Variants in MTHFD2L observed in about 807,000 individuals in gnomAD.
MTHFD2L encodes the protein methylenetetrahydrofolate dehydrogenase (NADP+ dependent) 2 like.
Under a neutral mutation model 34.9 loss-of-function variants are expected in MTHFD2L, and 29 were observed. That is an observed-to-expected ratio of 0.83 (90% CI 0.62 to 1.13). The LOEUF (loss-of-function observed/expected upper bound fraction) is 1.13, where lower values mean the gene tolerates loss of function less well. Among genes scored for constraint, MTHFD2L ranks in the 50% most tolerant of loss-of-function variants. The probability of loss-of-function intolerance (pLI) is 0.00; values close to 1 mark genes in which losing one functional copy is unlikely to be tolerated. For synonymous variants in MTHFD2L, 167 were observed against 155.7 expected, an observed-to-expected ratio of 1.07 and a Z score of -0.54; for missense variants, 481 against 446.5, an observed-to-expected ratio of 1.08 and a Z score of -0.70.
intron 7 of MTHFD2L, among the ~76,000 whole-genome samples, chr4:74,291,003 C>CCTTTTTTTTTTTTTTTTTTTTTTTT (rs1748846516): frequency 3.4e-5 from 1 of 29,272 alleles, no homozygotes; most frequent in Non-Finnish European, 6.5e-5. Flanking sequence ...TTTTCCTTTT[C>CCTTTTTTTTTTTTTTTTTTTTTTTT]TTTTTTTTTT....
chr4:74,281,783 C>T (rs1323367194), intron 7 of MTHFD2L, among the ~76,000 whole-genome samples: 1 of 151,912 alleles, frequency 6.6e-6, no homozygotes, highest in Non-Finnish European at 1.5e-5. Flanking sequence ...CTAATTGTAT[C>T]ATTAATATTT....
chr4:74,296,638 T>C (rs1219452045), intron 7 of MTHFD2L, among the ~76,000 whole-genome samples: 1 of 152,062 alleles, frequency 6.6e-6, no homozygotes, highest in African/African-American at 2.4e-5. Flanking sequence ...TTAAATTTTC[T>C]CCATTCCGTT....
At chr4:74,192,915 G>T (rs938129359) in intron 3 of MTHFD2L, among the ~76,000 whole-genome samples, 3 of 151,602 alleles carry the variant, frequency 2.0e-5, no homozygotes, top group Non-Finnish European at 4.4e-5. Context: ...TTTTCTTAAT[G>T]GTGCCTTTTG....
chr4:74,133,979 C>T (rs1439230603), intron 1 of MTHFD2L, among the ~76,000 whole-genome samples: 1 of 152,118 alleles, frequency 6.6e-6, no homozygotes, highest in Non-Finnish European at 1.5e-5. Flanking sequence ...GGTAGGAGAA[C>T]CAGATTCTAC....
upstream of MTHFD2L, among the ~76,000 whole-genome samples, chr4:74,119,984 GAAAA>G (rs148290797): frequency 2.7e-4 from 39 of 146,672 alleles, no homozygotes; most frequent in Middle Eastern, 7.0e-3. Flanking sequence ...TTTTTCAAAA[GAAAA>G]AAAAAAGATG....
In MTHFD2L at chr4:74,292,573, A is replaced by G. The variant is rs1310296470; in HGVS notation, c.932-9124A>G. On this transcript the variant is annotated intron_variant, in intron 7 of 7. Coordinates refer to ENST00000325278, the MANE Select transcript of MTHFD2L (RefSeq NM_001144978.3). The stretch of plus-strand genomic sequence containing the variant: ...TATTCAGTGACTTCAGGCAAAAGGG[A>G]TTGGGTGGGGGAGGGAAAGGATTGG... Among the ~76,000 whole-genome samples, 4 of 150,926 alleles carry G rather than the reference A, an allele frequency of 2.7e-5. No individual in the cohort carries two copies. The East Asian group carries it at 7.9e-4, about 30-fold the overall frequency.
intron 1 of MTHFD2L, chr4:74,160,804 G>A (rs949279663): frequency 6.6e-6 from 1 of 152,220 alleles, no homozygotes; most frequent in African/African-American, 2.4e-5. Context: ...TCAGTGTGAG[G>A]AGTCTGATAG....
At chr4:74,151,054 T>C (rs957657767) in intron 1 of MTHFD2L, among the ~76,000 whole-genome samples, 1 of 151,938 alleles carries the variant, frequency 6.6e-6, no homozygotes, top group Non-Finnish European at 1.5e-5. Flanking sequence ...ACAGAGGAAT[T>C]AGAAAAAAGA....
intron 1 of MTHFD2L, chr4:74,140,632 C>G (rs959597568): frequency 4.7e-5 from 34 of 728,050 alleles, no homozygotes; most frequent in African/African-American, 2.7e-4. Flanking sequence ...AAGGACATAC[C>G]AGAGACTGGG....
chr4:74,131,582 T>G (rs1217651046), intron 1 of MTHFD2L, among the ~76,000 whole-genome samples: 1 of 152,070 alleles, frequency 6.6e-6, no homozygotes, highest in African/African-American at 2.4e-5. Flanking sequence ...AAAAATTAAC[T>G]CAAGATGGAT....
chr4:74,264,071 G>A (rs1578655593), intron 6 of MTHFD2L, among the ~76,000 whole-genome samples: 1 of 152,116 alleles, frequency 6.6e-6, no homozygotes, highest in Non-Finnish European at 1.5e-5. Flanking sequence ...ACCTGATGAA[G>A]GGCATCTGTG....
intron 3 of MTHFD2L, among the ~76,000 whole-genome samples, chr4:74,186,952 G>T (rs1016236479): frequency 6.6e-6 from 1 of 152,052 alleles, no homozygotes; most frequent in African/African-American, 2.4e-5. Flanking sequence ...TTGGAATCAA[G>T]ATAGAAAATC....
At chr4:74,202,163 T>G (rs1734556149) in intron 5 of MTHFD2L, among the ~76,000 whole-genome samples, 1 of 152,204 alleles carries the variant, frequency 6.6e-6, no homozygotes, top group Admixed American at 6.5e-5. Context: ...CTTATGTTTA[T>G]TCAGTAAAGA....
chr4:74,208,435 A>C (rs1735727534), intron 5 of MTHFD2L, among the ~76,000 whole-genome samples: 1 of 152,216 alleles, frequency 6.6e-6, no homozygotes, highest in Admixed American at 6.5e-5. Context: ...TGTTGAAAAG[A>C]ACAGTAAAGC....
chr4:74,199,647 AAATAATAAT>A (rs375652920), intron 3 of MTHFD2L, 138 bp from the exon 4 acceptor site: 9 of 664,586 alleles, frequency 1.4e-5, no homozygotes, highest in Non-Finnish European at 1.7e-5. Flanking sequence ...TTTTGGTGGC[AAATAATAAT>A]AATAATAATA....
At chr4:74,158,117 C>T (rs929017915), upstream of MTHFD2L, 67 of 1,529,920 alleles carry the variant, frequency 4.4e-5, no homozygotes, top group African/African-American at 5.5e-5. Context: ...AGCCCCAGTC[C>T]GGAAGCCGGG....
intron 6 of MTHFD2L, among the ~76,000 whole-genome samples, chr4:74,230,643 A>T (rs1443113452): frequency 6.6e-6 from 1 of 151,922 alleles, no homozygotes; most frequent in Non-Finnish European, 1.5e-5. Flanking sequence ...AAGGTGAAGA[A>T]AGAGTAAGGA....
chr4:74,246,857 T>C (rs2110186821), intron 6 of MTHFD2L, among the ~76,000 whole-genome samples: 1 of 152,330 alleles, frequency 6.6e-6, no homozygotes. Flanking sequence ...TTGGTACCAG[T>C]AACATGCTGT....
At chr4:74,193,358 C>G (rs1261640307) in intron 3 of MTHFD2L, among the ~76,000 whole-genome samples, 1 of 152,138 alleles carries the variant, frequency 6.6e-6, no homozygotes, top group East Asian at 1.9e-4. Context: ...ATTACTGTAG[C>G]TTTGTAGCAA....
Sources: gnomAD v4.1 joint callset for allele counts (sites outside exome capture counted in the v4.1 genomes callset) on GRCh38, gnomAD v4.1.1 for gene constraint, MANE v1.5 for transcripts, NCBI Gene and HGNC (gene_info 2026-07-23, HGNC 2026-07-21) for gene names.